IL13RA1: variants seen among roughly 807,000 people sequenced by gnomAD.
The protein encoded by IL13RA1 is interleukin 13 receptor subunit alpha 1, also known as interleukin-13 receptor subunit alpha-1.
In IL13RA1, 14 loss-of-function variants were observed where a neutral mutation model predicts 33.8. The ratio of observed to expected loss-of-function variants is 0.41; its 90% CI spans 0.27 to 0.65. IL13RA1 has a LOEUF of 0.65. Among genes scored for constraint, IL13RA1 ranks in the 30% least tolerant of loss-of-function variants. The pLI, the probability that IL13RA1 is intolerant of heterozygous loss-of-function variation, is 0.28. For missense variants in IL13RA1, 313 were observed against 327.0 expected (o/e 0.96, Z 0.33); for synonymous variants, 116 against 115.7 (o/e 1.00, Z -0.02).
chrX:118,760,200 TTCCCC>T (rs2017576284), intron 5 of IL13RA1, among the ~76,000 whole-genome samples: 1 of 112,107 alleles, frequency 8.9e-6, no homozygotes, highest in Non-Finnish European at 1.9e-5. Flanking sequence ...AAACATTAAT[TTCCCC>T]TCCCCTCCGC....
downstream of IL13RA1, among the ~76,000 whole-genome samples, chrX:118,794,782 A>C (rs1488812921): frequency 8.9e-6 from 1 of 111,771 alleles, no homozygotes; most frequent in Non-Finnish European, 1.9e-5. Context: ...GTATTCAATA[A>C]ATTGTAGTTA....
intron 2 of IL13RA1, among the ~76,000 whole-genome samples, chrX:118,742,032 G>A (rs144134380): frequency 0.016 from 1,819 of 111,099 alleles, 17 homozygotes; most frequent in Non-Finnish European, 0.026. Flanking sequence ...CTCTCTGAGC[G>A]TTTGTTTCCT....
chrX:118,764,523 C>T lies in IL13RA1; in HGVS notation c.829-2007C>T, dbSNP rs770423760. On this transcript the variant is annotated intron_variant, in intron 6 of 10. Transcript: ENST00000371666. The stretch of plus-strand genomic sequence containing the variant: ...TCTGTATGAAATATTGAAAGGATGT[C>T]CCTTCATCATTTGCTTGGCCTCTCA... 7.3e-5 allele frequency among the ~76,000 whole-genome samples: 8 copies of T among 109,179 alleles called. No homozygotes were observed. In the East Asian group the frequency reaches 2.3e-3, roughly 32 times the overall value. The allele number at this position is 109,179 out of a possible 115,157, so 94.8% of individuals were successfully genotyped here. A position where few individuals can be genotyped will look rare whatever the true frequency, so the allele number is the denominator to read the frequency against.
chrX:118,740,875 T>G lies in IL13RA1; in HGVS notation c.89-142T>G, dbSNP rs897306047. 9.6e-6 allele frequency: 5 copies of G among 519,349 alleles called. No homozygotes were observed. The African/African-American group carries it at 1.2e-4, about 12-fold the overall frequency. The allele number at this position is 519,349 out of a possible 1,213,427, so 42.8% of individuals were successfully genotyped here. On this transcript the variant is annotated intron_variant, in intron 1 of 10. Transcript: ENST00000371666. ...AAATGGATTAATATGTGTGGAATAT[T>G]TAGAATAGTCCCTGGCCCAGTAAAT...
At chrX:118,738,574 A>C (rs1168269199) in intron 1 of IL13RA1, among the ~76,000 whole-genome samples, 1 of 111,701 alleles carries the variant, frequency 9.0e-6, no homozygotes, top group African/African-American at 3.3e-5. Flanking sequence ...ATGGCTGCGT[A>C]GTATTCCATG....
chrX:118,783,630 A>C (rs184165221), intron 10 of IL13RA1, among the ~76,000 whole-genome samples: 47 of 110,574 alleles, frequency 4.3e-4, no homozygotes, highest in African/African-American at 1.5e-3. Context: ...TGTTCACCTC[A>C]TTAAAACAAA....
At chrX:118,775,077 A>G (rs929366286) in intron 9 of IL13RA1, among the ~76,000 whole-genome samples, 3 of 111,597 alleles carry the variant, frequency 2.7e-5, no homozygotes, top group African/African-American at 9.8e-5. Flanking sequence ...AGTATAATTG[A>G]CAGTAGTGGG....
At chrX:118,787,602 C>T (rs1054371744) in intron 10 of IL13RA1, among the ~76,000 whole-genome samples, 4 of 111,417 alleles carry the variant, frequency 3.6e-5, no homozygotes, top group East Asian at 2.8e-4. Flanking sequence ...GAGACTAGGG[C>T]GTGTTTCATC....
At chrX:118,741,805 C>A (rs766122919) in intron 2 of IL13RA1, among the ~76,000 whole-genome samples, 6 of 110,556 alleles carry the variant, frequency 5.4e-5, no homozygotes, top group African/African-American at 2.0e-4. Flanking sequence ...GTGTTTGTTG[C>A]AGGGTGGCGG....
chrX:118,743,401 A>G (rs1439525054), intron 2 of IL13RA1, among the ~76,000 whole-genome samples: 1 of 111,880 alleles, frequency 8.9e-6, no homozygotes, highest in Non-Finnish European at 1.9e-5. Flanking sequence ...CATCAAGTTG[A>G]GAGACAGGGA....
the IL13RA1 span, among the ~76,000 whole-genome samples, chrX:118,803,036 A>G: frequency 1.8e-5 from 2 of 112,283 alleles, no homozygotes; most frequent in African/African-American, 6.5e-5. Context: ...CTCTGGCAAG[A>G]GTCCATGTTC....
chrX:118,799,693 A>T, the IL13RA1 span, among the ~76,000 whole-genome samples: 194 of 65,788 alleles, frequency 2.9e-3, no homozygotes, highest in Middle Eastern at 9.9e-3. Flanking sequence ...CTTTATGTCT[A>T]GCTCAGGGAT....
rs1013307686 is a variant in IL13RA1, at chrX:118,792,917, A to C, written c.*1063A>C. On this transcript the variant is annotated 3_prime_UTR_variant, in exon 11 of 11. Coordinates refer to ENST00000371666, the MANE Select transcript of IL13RA1 (RefSeq NM_001560.3). ...GTATTTTCTTCACCTCTGCTACTCA[A>C]GTAGCATTTACTGTGTCTTTGGTTT... 8.9e-6 allele frequency: 1 copy of C among 111,874 alleles called. No homozygotes were observed. Among genetic ancestry groups the C allele is most frequent in the African/African-American group, 3.3e-5 (1 of 30,714 alleles). The allele number at this position is 111,874 out of a possible 1,213,427, so 9.2% of individuals were successfully genotyped here.
In IL13RA1 at chrX:118,727,628, C is replaced by A. The variant is rs779250145; in HGVS notation, c.-11C>A. On this transcript the variant is annotated 5_prime_UTR_variant, in exon 1 of 11. Transcript: ENST00000371666. ...GCTCCAGCCCGGCCGGGCTCCGAGG[C>A]GAGAGGCTGCATGGAGTGGCCGGCG... The A allele has an allele frequency of 1.1e-6, 1 of 914,639 alleles. No individual in the cohort carries two copies. The highest frequency in any genetic ancestry group is 1.4e-6 in the Non-Finnish European group (1 of 735,775). The allele number at this position is 914,639 out of a possible 1,213,427, so 75.4% of individuals were successfully genotyped here.
chrX:118,765,884 C>G (rs992728824), intron 6 of IL13RA1, among the ~76,000 whole-genome samples: 1 of 112,283 alleles, frequency 8.9e-6, no homozygotes, highest in Non-Finnish European at 1.9e-5. Flanking sequence ...ATGTTGAACA[C>G]TTTTTCAGAT....
chrX:118,782,098 G>A (rs756908325), intron 10 of IL13RA1, among the ~76,000 whole-genome samples: 1 of 110,517 alleles, frequency 9.0e-6, no homozygotes, highest in East Asian at 2.8e-4. Context: ...TTTGAGACAG[G>A]ATCTTGCTCT....
chrX:118,741,381 G>C (rs896162674), intron 2 of IL13RA1, among the ~76,000 whole-genome samples: 4 of 112,092 alleles, frequency 3.6e-5, no homozygotes, highest in African/African-American at 9.7e-5. Flanking sequence ...GCTCTGACAG[G>C]AAATACTAGA....
At position 118,769,560 on chromosome X, in the gene IL13RA1, G is replaced by A. The variant is rs6646258; in HGVS notation, c.1009+2584G>A. Among the ~76,000 whole-genome samples the A allele has an allele frequency of 9.4e-3, 1,060 of 112,797 alleles. 23 individuals are homozygous for A. The highest frequency in any genetic ancestry group is 0.033 in the African/African-American group (1,017 of 31,091). ...TATTTAAGAATAATAGTAGTTGTTA[G>A]GATTATTTTAGGTATTTTAGTAGTG... On this transcript the variant is annotated intron_variant, in intron 8 of 10. Transcript: ENST00000371666.
chrX:118,776,702 C>T lies in IL13RA1; in HGVS notation c.1191+191C>T, dbSNP rs190800996. On this transcript the variant is annotated intron_variant, in intron 10 of 10. Transcript: ENST00000371666. Reference sequence around the variant, plus strand: ...ATCCCAACACTTTGGGAGGCTGAGGCAGGAGGATCACTTGAGCCCAGCAGT... The same window carrying T: ...ATCCCAACACTTTGGGAGGCTGAGGTAGGAGGATCACTTGAGCCCAGCAGT... Among the ~76,000 whole-genome samples, 637 of 109,357 alleles carry T rather than the reference C, an allele frequency of 5.8e-3. 4 individuals carry two copies. The highest frequency in any genetic ancestry group is 0.02 in the African/African-American group (599 of 30,189). 95.0% of individuals were successfully genotyped at this position (109,357 alleles called of 115,157 possible). A position where few individuals can be genotyped will look rare whatever the true frequency, so the allele number is the denominator to read the frequency against.
Sources: allele counts gnomAD v4.1 joint callset (sites outside exome capture counted in the v4.1 genomes callset), GRCh38; gene constraint gnomAD v4.1.1; transcripts MANE v1.5; gene names NCBI Gene and HGNC (gene_info 2026-07-23, HGNC 2026-07-21).